CDC14B: variants seen among roughly 807,000 people sequenced by gnomAD.
CDC14B encodes dual specificity protein phosphatase CDC14B.
CDC14B carries 22 observed loss-of-function variants against 64.2 expected under a neutral mutation model. That is an observed-to-expected ratio of 0.34 (90% CI 0.24 to 0.49). The LOEUF (loss-of-function observed/expected upper bound fraction) is 0.49, where lower values mean the gene tolerates loss of function less well. Among genes scored for constraint, CDC14B ranks in the 20% least tolerant of loss-of-function variants. CDC14B has a pLI of 0.99. For synonymous variants in CDC14B, 191 were observed against 215.8 expected (o/e 0.89, Z 1.01); for missense variants, 498 against 629.9 (o/e 0.79, Z 2.24).
chr9:96,560,678 G>T (rs565130320), intron 4 of CDC14B, among the ~76,000 whole-genome samples: 1 of 148,016 alleles, frequency 6.8e-6, no homozygotes, highest in African/African-American at 2.5e-5. Flanking sequence ...CTGCCACCCA[G>T]GTTCAAGCAA....
chr9:96,512,348 G>T (rs544603808), intron 12 of CDC14B, among the ~76,000 whole-genome samples: 2 of 138,972 alleles, frequency 1.4e-5, no homozygotes, highest in South Asian at 2.3e-4. Context: ...TTTTTTAAGA[G>T]ACAGGGTCTC....
chr9:96,561,942 G>A (rs999187649), intron 4 of CDC14B, among the ~76,000 whole-genome samples: 3 of 152,254 alleles, frequency 2.0e-5, no homozygotes, highest in Admixed American at 2.0e-4. Context: ...GGAGCTCTAA[G>A]CTGGCTCTGG....
At chr9:96,537,535 A>G (rs1839447063) in intron 7 of CDC14B, among the ~76,000 whole-genome samples, 1 of 152,248 alleles carries the variant, frequency 6.6e-6, no homozygotes, top group African/African-American at 2.4e-5. Context: ...CTAAGATTAC[A>G]CTTTTCTGAT....
At chr9:96,618,110 A>C (rs2119113040) in intron 1 of CDC14B, among the ~76,000 whole-genome samples, 1 of 152,236 alleles carries the variant, frequency 6.6e-6, no homozygotes. Context: ...TCATTTCAAA[A>C]CGAACTTAGT....
intron 9 of CDC14B, among the ~76,000 whole-genome samples, chr9:96,532,736 T>C (rs764444202): frequency 6.6e-6 from 1 of 152,224 alleles, no homozygotes; most frequent in Non-Finnish European, 1.5e-5. Flanking sequence ...TGCTCAAATA[T>C]GCTTTTGAAT....
intron 9 of CDC14B, among the ~76,000 whole-genome samples, chr9:96,531,386 G>T (rs1838458785): frequency 6.6e-6 from 1 of 151,990 alleles, no homozygotes; most frequent in South Asian, 2.1e-4. Context: ...CTAGGAATTT[G>T]TCCATTTCAT....
chr9:96,511,362 G>A (rs2131344761), intron 12 of CDC14B, among the ~76,000 whole-genome samples: 1 of 152,292 alleles, frequency 6.6e-6, no homozygotes, highest in East Asian at 1.9e-4. Flanking sequence ...CACGAGGTCA[G>A]GAGTTCAAGA....
chr9:96,504,897 G>A (rs879670143), intron 13 of CDC14B, among the ~76,000 whole-genome samples: 4 of 152,134 alleles, frequency 2.6e-5, no homozygotes, highest in African/African-American at 4.8e-5. Flanking sequence ...GAAAGAGGCC[G>A]GGCGCCGTGG....
chr9:96,577,051 G>A (rs1159994359), intron 1 of CDC14B, among the ~76,000 whole-genome samples: 1 of 152,000 alleles, frequency 6.6e-6, no homozygotes, highest in Admixed American at 6.6e-5. Context: ...TCAGGAGTTC[G>A]AGACCAGCCT....
At chr9:96,593,032 T>C (rs1244318067) in intron 1 of CDC14B, among the ~76,000 whole-genome samples, 1 of 152,192 alleles carries the variant, frequency 6.6e-6, no homozygotes, top group African/African-American at 2.4e-5. Flanking sequence ...GTAAGAGTTG[T>C]TAACTGCTCA....
chr9:96,511,738 A>T (rs1834933787), intron 12 of CDC14B, among the ~76,000 whole-genome samples: 1 of 152,184 alleles, frequency 6.6e-6, no homozygotes, highest in African/African-American at 2.4e-5. Flanking sequence ...TAAATCAGCC[A>T]ATGTTTGGTT....
intron 5 of CDC14B, among the ~76,000 whole-genome samples, chr9:96,548,073 C>T (rs1841240908): frequency 6.6e-6 from 1 of 152,114 alleles, no homozygotes; most frequent in African/African-American, 2.4e-5. Flanking sequence ...GATCTGCCCA[C>T]CTCAGCCTCC....
At chr9:96,589,740 T>A (rs1048782578) in intron 1 of CDC14B, among the ~76,000 whole-genome samples, 3 of 152,026 alleles carry the variant, frequency 2.0e-5, no homozygotes, top group African/African-American at 7.2e-5. Flanking sequence ...AGGTGGATCA[T>A]GAGGTCAGGA....
intron 1 of CDC14B, among the ~76,000 whole-genome samples, chr9:96,581,860 T>A (rs1270400325): frequency 6.6e-6 from 1 of 152,140 alleles, no homozygotes; most frequent in Non-Finnish European, 1.5e-5. Context: ...AGCACAGATA[T>A]AAGGTTAAAT....
At chr9:96,598,456 C>A (rs1186637074) in intron 1 of CDC14B, among the ~76,000 whole-genome samples, 5 of 152,172 alleles carry the variant, frequency 3.3e-5, no homozygotes, top group Non-Finnish European at 7.4e-5. Flanking sequence ...CCTGCCTCAG[C>A]CTCCCCAGTA....
At chr9:96,513,477 T>C (rs1234727309) in intron 12 of CDC14B, among the ~76,000 whole-genome samples, 1 of 152,210 alleles carries the variant, frequency 6.6e-6, no homozygotes, top group African/African-American at 2.4e-5. Flanking sequence ...ATGTATTTTC[T>C]TCCTTCCCAT....
At chr9:96,499,179 C>T (rs370271098), downstream of CDC14B, among the ~76,000 whole-genome samples, 1 of 152,200 alleles carries the variant, frequency 6.6e-6, no homozygotes. Context: ...CAAATGAACA[C>T]TCTGGGGGGT....
Position 96,551,844 on chromosome 9 carries a change from T to G in CDC14B, c.449A>C (p.Glu150Ala). 1 of 1,609,198 alleles carries G rather than the reference T, an allele frequency of 6.2e-7. No individual in the cohort carries two copies. Residue 150 changes from glutamate to alanine, a missense_variant, in exon 5 of 14, where the codon GAA (glutamate) becomes GCA (alanine). Transcript: ENST00000375241. ...TCCAAAGATTAATATTCTATATGCT[T>G]CTTCTGGGGTTCTCCCCAAATATAT... ...MVIYLGRTPE[E>A]AYRILIFGET...
intron 1 of CDC14B, among the ~76,000 whole-genome samples, chr9:96,603,521 T>C (rs1009389644): frequency 6.6e-6 from 1 of 152,194 alleles, no homozygotes; most frequent in African/African-American, 2.4e-5. Context: ...AAGTGCAGGC[T>C]TAAAGGGGAG....
Sources: gnomAD v4.1 joint callset for allele counts (sites outside exome capture counted in the v4.1 genomes callset) on GRCh38, gnomAD v4.1.1 for gene constraint, MANE v1.5 for transcripts, NCBI Gene and HGNC (gene_info 2026-07-23, HGNC 2026-07-21) for gene names.